Variants in CEP78 observed in about 807,000 individuals in gnomAD.
CEP78 encodes centrosomal protein of 78 kDa.
Under a neutral mutation model 81.2 loss-of-function variants are expected in CEP78, and 76 were observed. The observed-to-expected ratio is 0.94, with a 90% CI of 0.78 to 1.13. The LOEUF (loss-of-function observed/expected upper bound fraction) is 1.13. CEP78 is among the 50% of genes most tolerant of loss of function. CEP78 has a pLI of 0.00. For synonymous variants in CEP78, 293 were observed against 301.4 expected, an observed-to-expected ratio of 0.97 and a Z score of 0.29; for missense variants, 918 against 846.8, an observed-to-expected ratio of 1.08 and a Z score of -1.04.
At position 78,240,352 on chromosome 9, in the gene CEP78, G is replaced by A. The variant is rs1826169733; in HGVS notation, c.487G>A (p.Gly163Arg). 1 of 1,582,420 alleles carries A rather than the reference G, an allele frequency of 6.3e-7. No individual in the cohort carries two copies. The highest frequency in any genetic ancestry group is 8.6e-7 in the Non-Finnish European group (1 of 1,161,970). ...TCTTGCAAATTGTCCAATTGGAGAT[G>A]GAGGTTTAGAAAGTGAGTTTAAATC... is the stretch of plus-strand genomic sequence containing the variant. The part of the protein sequence containing the change: ...LSLANCPIGD[G>R]GLEIICQGIK... Residue 163 changes from glycine (G) to arginine (R), a missense_variant, in exon 3 of 17, where the codon GGA becomes AGA. Transcript: ENST00000643273.
At position 78,253,232 on chromosome 9, in the gene CEP78, G is replaced by C; in HGVS notation, c.1206G>C (p.Arg402Ser). 7.7e-7 allele frequency: 1 copy of C among 1,294,998 alleles called. No individual in the cohort carries two copies. The allele number at this position is 1,294,998 out of a possible 1,614,324, so 80.2% of individuals were successfully genotyped here. A position where few individuals can be genotyped will look rare whatever the true frequency, so the allele number is the denominator to read the frequency against. ...WRTAERAKRH[R>S]GFPLIKTRDI... Reference sequence around the variant, plus strand: ...ACTTAATTTATCGATATCTTTTTAGGGGTTTCCCATTAATCAAAACACGTG... The same window carrying C: ...ACTTAATTTATCGATATCTTTTTAGCGGTTTCCCATTAATCAAAACACGTG... Residue 402 changes from arginine to serine, a missense_variant and splice_region_variant, in exon 10 of 17, where the codon AGG becomes AGC. Physicochemically the swap from Arg to Ser is moderately radical, Grantham distance 110 (BLOSUM62 -1). Coordinates refer to ENST00000643273, the MANE Select transcript of CEP78 (RefSeq NM_001330691.3).
At chr9:78,255,103 G>A in intron 11 of CEP78, 139 bp downstream of exon 11, 1 of 560,578 alleles carries the variant, frequency 1.8e-6, no homozygotes, top group Admixed American at 3.6e-5. Context: ...TCCCTTGAAT[G>A]GTTCTTTATC....
Position 78,272,822 on chromosome 9 carries a change from G to C in CEP78, c.*1971G>C, listed in dbSNP as rs1827722184. The C allele has an allele frequency of 1.3e-5, 2 of 152,164 alleles. No homozygotes were observed. The highest frequency in any genetic ancestry group is 6.5e-5 in the Admixed American group (1 of 15,282). 9.4% of individuals were successfully genotyped at this position (152,164 alleles called of 1,614,324 possible). A position where few individuals can be genotyped will look rare whatever the true frequency, so the allele number is the denominator to read the frequency against. ...CGAGGCTGGTGGAACGTCACTATTT[G>C]GAACATTGCTGGTTGCAGTGTCCAA... is the stretch of plus-strand genomic sequence containing the variant. On this transcript the variant is annotated 3_prime_UTR_variant, in exon 17 of 17. Coordinates refer to ENST00000643273, the MANE Select transcript of CEP78 (RefSeq NM_001330691.3).
At position 78,265,303 on chromosome 9, in the gene CEP78, G is replaced by C. The variant is rs1827466535; in HGVS notation, c.1626-69G>C. 4.0e-6 allele frequency: 5 copies of C among 1,243,036 alleles called. No homozygotes were observed. In the East Asian group the frequency reaches 1.2e-4, roughly 31 times the overall value. The allele number at this position is 1,243,036 out of a possible 1,614,324, so 77.0% of individuals were successfully genotyped here. On this transcript the variant is annotated intron_variant, in intron 13 of 16. Transcript: ENST00000643273. ...AAGTATTTAATGATTGTAGGTTTGG[G>C]GAAATGTAAGCTGTTCTTATGTGCT... is the stretch of plus-strand genomic sequence containing the variant.
chr9:78,250,086 C>T (rs1563985101), intron 8 of CEP78: 1 of 388,228 alleles, frequency 2.6e-6, no homozygotes, highest in African/African-American at 2.1e-5. Context: ...ATTTTAGTAG[C>T]TAGTGGTATA....
intron 1 of CEP78, among the ~76,000 whole-genome samples, chr9:78,236,838 G>A (rs1472944891): frequency 6.6e-6 from 1 of 152,146 alleles, no homozygotes; most frequent in African/African-American, 2.4e-5. Context: ...CGCTGCTGAT[G>A]CCTGCAGAGC....
intron 16 of CEP78, chr9:78,266,946 A>G (rs1827569848): frequency 7.1e-7 from 1 of 1,417,954 alleles, no homozygotes. Flanking sequence ...TGAAAGTGAT[A>G]CTCTTGGATG....
intron 2 of CEP78, 24 bp downstream of exon 2, chr9:78,240,219 G>C (rs757958060): frequency 1.2e-6 from 2 of 1,612,696 alleles, no homozygotes. Flanking sequence ...CATTTGGCTT[G>C]TAGACATTTG....
At position 78,241,729 on chromosome 9, in the gene CEP78, T is replaced by G. The variant is rs1303316212; in HGVS notation, c.533T>G (p.Leu178Arg). ...CAAGGTATAAAGAGCTCTATCACTC[T>G]TAAGACAGTCAACTTCACAGGATGT... ...ICQGIKSSIT[L>R]KTVNFTGCNL... Residue 178 changes from leucine (L) to arginine (R), a missense_variant, in exon 4 of 17, where the codon CTT becomes CGT. Transcript: ENST00000643273. The G allele has an allele frequency of 1.4e-5, 22 of 1,608,244 alleles. No individual in the cohort carries two copies. Among genetic ancestry groups the G allele is most frequent in the Non-Finnish European group, 1.8e-5 (21 of 1,175,172 alleles).
Position 78,271,794 on chromosome 9 carries a change from G to A in CEP78, c.*943G>A, listed in dbSNP as rs1587616129. On this transcript the variant is annotated 3_prime_UTR_variant, in exon 17 of 17. Coordinates refer to ENST00000643273, the MANE Select transcript of CEP78 (RefSeq NM_001330691.3). ...CAGCTTATTGTAACCATGAACCATT[G>A]GGCTTAAATTATCTTCCCACCTCAG... is the stretch of plus-strand genomic sequence containing the variant. 2.0e-5 allele frequency: 3 copies of A among 151,628 alleles called. No homozygotes were observed. The East Asian group carries it at 5.8e-4, about 29-fold the overall frequency. The allele number at this position is 151,628 out of a possible 1,614,324, so 9.4% of individuals were successfully genotyped here. A position where few individuals can be genotyped will look rare whatever the true frequency, so the allele number is the denominator to read the frequency against.
At chr9:78,257,018 A>G (rs1213151536) in intron 11 of CEP78, among the ~76,000 whole-genome samples, 1 of 152,098 alleles carries the variant, frequency 6.6e-6, no homozygotes, top group Non-Finnish European at 1.5e-5. Context: ...AACAGAAATC[A>G]TATGCTAGTG....
At position 78,254,885 on chromosome 9, in the gene CEP78, A is replaced by C. The variant is rs375032865; in HGVS notation, c.1301A>C (p.Glu434Ala). Residue 434 changes from glutamate (E) to alanine (A), a missense_variant, in exon 11 of 17, where the codon GAA (glutamate) becomes GCA (alanine). Glu to Ala is a moderately radical substitution (Grantham distance 107). Transcript: ENST00000643273. The part of the protein sequence containing the change: ...TVTVESPSSS[E>A]VEEVDDSSES... ...ACAGTAGAGAGTCCTTCATCCTCTG[A>C]AGTTGAAGAGGTTGATGATTCTTCA... 8.1e-6 allele frequency: 13 copies of C among 1,610,064 alleles called. No homozygotes were observed. In the African/African-American group the frequency reaches 1.3e-4, roughly 17 times the overall value.
chr9:78,278,571 C>G lies in CEP78; in HGVS notation c.*7720C>G, dbSNP rs1345875449. On this transcript the variant is annotated 3_prime_UTR_variant, in exon 17 of 17. Coordinates refer to ENST00000643273, the MANE Select transcript of CEP78 (RefSeq NM_001330691.3). ...TTTAAAGAAAATTATGTTGGCAACT[C>G]ACGAAGTATGTTTCACAATCCACTA... is the stretch of plus-strand genomic sequence containing the variant. 1 of 152,204 alleles carries G rather than the reference C, an allele frequency of 6.6e-6. No individual in the cohort carries two copies. Among genetic ancestry groups the G allele is most frequent in the East Asian group, 1.9e-4 (1 of 5,194 alleles). 9.4% of individuals were successfully genotyped at this position (152,204 alleles called of 1,614,324 possible).
At chr9:78,249,708 C>A (rs1826665052) in intron 8 of CEP78, 2 of 151,476 alleles carry the variant, frequency 1.3e-5, no homozygotes, top group Non-Finnish European at 2.9e-5. Flanking sequence ...TCATAAGTAG[C>A]CTTTTTTTAC....
rs537207093 is a variant in CEP78, at chr9:78,276,040, A to G, written c.*5189A>G. On this transcript the variant is annotated 3_prime_UTR_variant, in exon 17 of 17. Transcript: ENST00000643273. ...GATGTAAGGCTCCCTAATTCATTCC[A>G]TACGGTTAGCGTAATCCTTATAGCA... 1.3e-5 allele frequency: 2 copies of G among 152,368 alleles called. No homozygotes were observed. Among genetic ancestry groups the G allele is most frequent in the African/African-American group, 4.8e-5 (2 of 41,580 alleles). The allele number at this position is 152,368 out of a possible 1,614,324, so 9.4% of individuals were successfully genotyped here. A position where few individuals can be genotyped will look rare whatever the true frequency, so the allele number is the denominator to read the frequency against.
At chr9:78,245,548 C>T (rs1279269898) in intron 5 of CEP78, among the ~76,000 whole-genome samples, 2 of 152,146 alleles carry the variant, frequency 1.3e-5, no homozygotes. Flanking sequence ...GGAATACAGA[C>T]ATGTAGTCCA....
At chr9:78,262,446 C>T (rs549379217) in intron 11 of CEP78, among the ~76,000 whole-genome samples, 83 of 152,160 alleles carry the variant, frequency 5.5e-4, no homozygotes, top group African/African-American at 1.6e-3. Flanking sequence ...GGAGAATCTC[C>T]ATCATGTCTA....
intron 1 of CEP78, among the ~76,000 whole-genome samples, chr9:78,238,595 T>G (rs1208425584): frequency 6.6e-6 from 1 of 151,876 alleles, no homozygotes; most frequent in African/African-American, 2.4e-5. Flanking sequence ...ACCTGACCAC[T>G]TGTCGTGTGC....
At position 78,270,736 on chromosome 9, in the gene CEP78, G is replaced by A. The variant is rs1174523022; in HGVS notation, c.2108-105G>A. The stretch of plus-strand genomic sequence containing the variant: ...AAGACAGTAACACTTGATTTTCAGA[G>A]GATCGGCATGATAGGAGATGATTGG... On this transcript the variant is annotated intron_variant, in intron 16 of 16. Coordinates refer to ENST00000643273, the MANE Select transcript of CEP78 (RefSeq NM_001330691.3). 3 of 581,802 alleles carry A rather than the reference G, an allele frequency of 5.2e-6. No homozygotes were observed. The African/African-American group carries it at 5.8e-5, about 11-fold the overall frequency. 36.0% of individuals were successfully genotyped at this position (581,802 alleles called of 1,614,324 possible). A position where few individuals can be genotyped will look rare whatever the true frequency, so the allele number is the denominator to read the frequency against.
Sources: allele counts gnomAD v4.1 joint callset (sites outside exome capture counted in the v4.1 genomes callset), GRCh38; gene constraint gnomAD v4.1.1; transcripts MANE v1.5; gene names NCBI Gene and HGNC (gene_info 2026-07-23, HGNC 2026-07-21).